Variants in RBBP6 observed in about 807,000 individuals in gnomAD.
RBBP6 encodes the protein RB binding protein 6, ubiquitin ligase, also known as E3 ubiquitin-protein ligase RBBP6.
RBBP6 carries 25 observed loss-of-function variants against 167.7 expected under a neutral mutation model. The observed-to-expected ratio is 0.15, with a 90% CI of 0.11 to 0.21. RBBP6 has a LOEUF of 0.21. Ranked by LOEUF, RBBP6 falls within the 10% of genes least tolerant of loss-of-function variation. The pLI is 1.00. For synonymous variants in RBBP6, 789 were observed against 735.8 expected (o/e 1.07, Z -1.17); for missense variants, 1,868 against 2,134.2 (o/e 0.88, Z 2.46).
At chr16:24,561,240 T>C (rs545865756) in intron 8 of RBBP6, among the ~76,000 whole-genome samples, 1 of 151,808 alleles carries the variant, frequency 6.6e-6, no homozygotes, top group Non-Finnish European at 1.5e-5. Flanking sequence ...TTGCTCTCAA[T>C]TCAGACATTT....
chr16:24,562,246 T>C (rs1456686655), intron 10 of RBBP6, 85 bp downstream of exon 10: 1 of 1,249,732 alleles, frequency 8.0e-7, no homozygotes, highest in Non-Finnish European at 1.1e-6. Flanking sequence ...TTTAACAGCT[T>C]TCTTAGTGGA....
In RBBP6 at chr16:24,559,487, GA is replaced by G; in HGVS notation, c.675-14del. On this transcript the variant is annotated splice_polypyrimidine_tract_variant and intron_variant, in intron 7 of 17. Coordinates refer to ENST00000319715, the MANE Select transcript of RBBP6 (RefSeq NM_006910.5). ...TGCCTTCTTAACAATGGTAAAACATGAAAACTTTCTTTTACAGAGAAGCATA... is the reference window on the plus strand; with the variant it reads ...TGCCTTCTTAACAATGGTAAAACATGAAACTTTCTTTTACAGAGAAGCATA... 5 of 1,577,424 alleles carry G rather than the reference GA, an allele frequency of 3.2e-6. No individual in the cohort carries two copies. Among genetic ancestry groups the G allele is most frequent in the Non-Finnish European group, 4.3e-6 (5 of 1,161,428 alleles).
At chr16:24,560,762 A>G (rs1899031726) in intron 8 of RBBP6, among the ~76,000 whole-genome samples, 2 of 152,248 alleles carry the variant, frequency 1.3e-5, no homozygotes, top group Admixed American at 1.3e-4. Context: ...AGGTATTACA[A>G]GCAATCTAGA....
In RBBP6 at chr16:24,562,095, C is replaced by T; in HGVS notation, c.1223C>T (p.Pro408Leu). The change falls in exon 10 of 18, where the codon CCT (proline) becomes CTT (leucine). Residue 408 changes from proline to leucine, a missense_variant. Around this residue, in one of 7 missense-constraint regions of RBBP6, gnomAD observed 245 missense variants for 240.1 expected, o/e 1.02. Transcript: ENST00000319715. ...GGAAATCCGTCTTCTGCTCCAGCTC[C>T]TGTACCTGATATAACTGCAACAGTA... The part of the protein sequence containing the change: ...VSGNPSSAPA[P>L]VPDITATVSI... 6.2e-7 allele frequency: 1 copy of T among 1,613,542 alleles called. No individual in the cohort carries two copies. Among genetic ancestry groups the T allele is most frequent in the Non-Finnish European group, 8.5e-7 (1 of 1,179,648 alleles).
At chr16:24,551,096 C>G (rs904582203) in intron 3 of RBBP6, among the ~76,000 whole-genome samples, 15 of 151,780 alleles carry the variant, frequency 9.9e-5, no homozygotes, top group African/African-American at 3.6e-4. Flanking sequence ...GTTGATACCC[C>G]AAAGCTGGAT....
intron 14 of RBBP6, among the ~76,000 whole-genome samples, chr16:24,566,093 T>G (rs753939298): frequency 2.6e-5 from 4 of 152,166 alleles, no homozygotes; most frequent in Non-Finnish European, 5.9e-5. Flanking sequence ...GGATATCTTC[T>G]AGTGCTTCAT....
chr16:24,566,511 T>C (rs1899197766), intron 14 of RBBP6, among the ~76,000 whole-genome samples: 1 of 152,140 alleles, frequency 6.6e-6, no homozygotes, highest in African/African-American at 2.4e-5. Context: ...CCCAGCACTT[T>C]GTGCAGATCA....
chr16:24,550,319 TG>T (rs1404229396), intron 3 of RBBP6, among the ~76,000 whole-genome samples: 1 of 151,426 alleles, frequency 6.6e-6, no homozygotes, highest in Non-Finnish European at 1.5e-5. Context: ...TCTTAGTGTT[TG>T]GGGTTTTTTT....
intron 3 of RBBP6, 55 bp from the exon 4 acceptor site, chr16:24,553,458 C>G (rs1898844587): frequency 1.3e-6 from 2 of 1,481,850 alleles, no homozygotes; most frequent in Non-Finnish European, 9.4e-7. Context: ...TAAATGATCA[C>G]TTTAAGATGT....
chr16:24,568,078 A>G (rs1159795533), intron 16 of RBBP6, among the ~76,000 whole-genome samples, 185 bp downstream of exon 16: 2 of 152,238 alleles, frequency 1.3e-5, no homozygotes, highest in African/African-American at 2.4e-5. Flanking sequence ...TGTAAATTTT[A>G]TTGTGTAGAA....
chr16:24,572,549 T>C lies in RBBP6; in HGVS notation c.*104T>C, dbSNP rs1899367897. ...TTGTAAATAATGACATGGAAGACCC[T>C]GTGCTGCACTTAAAATATTGCTGCT... is the stretch of plus-strand genomic sequence containing the variant. On this transcript the variant is annotated 3_prime_UTR_variant, in exon 18 of 18. Transcript: ENST00000319715. The C allele has an allele frequency of 7.3e-7, 1 of 1,368,752 alleles. No homozygotes were observed. The highest frequency in any genetic ancestry group is 9.6e-7 in the Non-Finnish European group (1 of 1,042,772). 84.8% of individuals were successfully genotyped at this position (1,368,752 alleles called of 1,614,324 possible). A position where few individuals can be genotyped will look rare whatever the true frequency, so the allele number is the denominator to read the frequency against.
At chr16:24,566,259 A>G (rs1192243820) in intron 14 of RBBP6, among the ~76,000 whole-genome samples, 2 of 152,224 alleles carry the variant, frequency 1.3e-5, no homozygotes, top group East Asian at 3.8e-4. Context: ...CTCTAGTTTA[A>G]CAGAAGTAAC....
In RBBP6 at chr16:24,567,515, C is replaced by G. The variant is rs753693602; in HGVS notation, c.1952+10C>G. 3.2e-6 allele frequency: 5 copies of G among 1,585,464 alleles called. No homozygotes were observed. The East Asian group carries it at 6.7e-5, about 21-fold the overall frequency. Reference sequence around the variant, plus strand: ...GACGACTAAAAGAAGAGTATGTATTCTAATTTGAAATTATTATACACTTTT... The same window carrying G: ...GACGACTAAAAGAAGAGTATGTATTGTAATTTGAAATTATTATACACTTTT... On this transcript the variant is annotated intron_variant, in intron 15 of 17. Coordinates refer to ENST00000319715, the MANE Select transcript of RBBP6 (RefSeq NM_006910.5).
At chr16:24,552,815 C>T (rs547947324) in intron 3 of RBBP6, among the ~76,000 whole-genome samples, 1 of 151,874 alleles carries the variant, frequency 6.6e-6, no homozygotes, top group South Asian at 2.1e-4. Flanking sequence ...CCTCTTATAT[C>T]CTTTATGTAC....
intron 1 of RBBP6, among the ~76,000 whole-genome samples, chr16:24,542,788 C>T (rs7186715): frequency 0.019 from 2,881 of 152,232 alleles, 90 homozygotes; most frequent in African/African-American, 0.066. Context: ...TAAAAGAATC[C>T]TGTCCGGAAA....
At chr16:24,560,418 T>C (rs1899023332) in intron 8 of RBBP6, among the ~76,000 whole-genome samples, 1 of 152,312 alleles carries the variant, frequency 6.6e-6, no homozygotes, top group African/African-American at 2.4e-5. Flanking sequence ...TGTAGACATA[T>C]TTATTACCCA....
Position 24,567,289 on chromosome 16 carries a change from C to T in RBBP6, c.1736C>T (p.Pro579Leu), listed in dbSNP as rs772258210. Reference protein sequence around the residue: ...PHTLPLPPGVPPPQFSPQFPP... With the variant: ...PHTLPLPPGVLPPQFSPQFPP... ...ACACTTCCTCTCCCTCCGGGTGTTC[C>T]TCCTCCACAGTTTTCTCCTCAGTTT... is the stretch of plus-strand genomic sequence containing the variant. Residue 579 changes from proline to leucine, a missense_variant, in exon 15 of 18, where the codon CCT (proline) becomes CTT (leucine). Pro to Leu is a moderately conservative substitution (Grantham distance 98). Coordinates refer to ENST00000319715, the MANE Select transcript of RBBP6 (RefSeq NM_006910.5). 1.5e-5 allele frequency: 25 copies of T among 1,613,940 alleles called. No individual in the cohort carries two copies. The highest frequency in any genetic ancestry group is 1.6e-4 in the Middle Eastern group (1 of 6,084).
chr16:24,542,197 CTTTA>C (rs996289226), intron 1 of RBBP6, among the ~76,000 whole-genome samples: 4 of 152,094 alleles, frequency 2.6e-5, no homozygotes, highest in African/African-American at 2.4e-5. Flanking sequence ...TGAGAAATAG[CTTTA>C]TTTAAGTGCC....
chr16:24,564,558 T>C (rs1195244126), intron 13 of RBBP6, among the ~76,000 whole-genome samples: 2 of 152,242 alleles, frequency 1.3e-5, no homozygotes, highest in Non-Finnish European at 2.9e-5. Flanking sequence ...TAATATTACA[T>C]AAAGTAATCT....
Sources: allele counts gnomAD v4.1 joint callset (sites outside exome capture counted in the v4.1 genomes callset), GRCh38; gene constraint gnomAD v4.1.1; regional missense constraint gnomAD v4.1.1; transcripts MANE v1.5; gene names NCBI Gene and HGNC (gene_info 2026-07-23, HGNC 2026-07-21).